BMAL1: variants seen among roughly 807,000 people sequenced by gnomAD.
BMAL1 encodes the protein basic helix-loop-helix ARNT like 1.
chr11:13,373,805 G>A, the BMAL1 span, among the ~76,000 whole-genome samples: 170 of 152,252 alleles, frequency 1.1e-3, no homozygotes, highest in African/African-American at 3.7e-3. Context: ...CACCATGCCC[G>A]ACTGGTTGCA....
chr11:13,343,808 C>G, the BMAL1 span, among the ~76,000 whole-genome samples: 1 of 152,192 alleles, frequency 6.6e-6, no homozygotes, highest in Non-Finnish European at 1.5e-5. Flanking sequence ...GGACTCTCCT[C>G]TATCAACGAT....
At chr11:13,355,651 C>T in the BMAL1 span, among the ~76,000 whole-genome samples, 1 of 152,192 alleles carries the variant, frequency 6.6e-6, no homozygotes, top group African/African-American at 2.4e-5. Flanking sequence ...AGCTTTTTCT[C>T]ACCTGAGATT....
the BMAL1 span, chr11:13,376,675 C>G: frequency 6.2e-7 from 1 of 1,614,072 alleles, no homozygotes; most frequent in Non-Finnish European, 8.5e-7. Context: ...CCAACCTTCC[C>G]ACAGCTCACA....
the BMAL1 span, among the ~76,000 whole-genome samples, chr11:13,352,594 G>T: frequency 1.1e-4 from 16 of 152,176 alleles, 1 homozygote; most frequent in Non-Finnish European, 1.5e-5. Context: ...AGAATACAAC[G>T]TGTGTCCCGT....
the BMAL1 span, among the ~76,000 whole-genome samples, chr11:13,309,499 G>A: frequency 6.6e-6 from 1 of 152,148 alleles, no homozygotes; most frequent in Non-Finnish European, 1.5e-5. Context: ...AAGCAGTGGG[G>A]TTGAGGCATT....
chr11:13,354,207 A>ACCCC, the BMAL1 span: 1 of 205,816 alleles, frequency 4.9e-6, no homozygotes, highest in Non-Finnish European at 7.6e-6. Context: ...CCGGCCCCCC[A>ACCCC]CCACCAAACC....
At chr11:13,286,578 C>T in the BMAL1 span, among the ~76,000 whole-genome samples, 1 of 152,178 alleles carries the variant, frequency 6.6e-6, no homozygotes, top group Non-Finnish European at 1.5e-5. Context: ...AAATGGCTGC[C>T]TCTGATTTCT....
At chr11:13,335,977 T>C in the BMAL1 span, among the ~76,000 whole-genome samples, 2 of 151,732 alleles carry the variant, frequency 1.3e-5, no homozygotes, top group African/African-American at 4.9e-5. Flanking sequence ...TTTATTGCAT[T>C]TTTGACAATA....
At chr11:13,302,101 T>C in the BMAL1 span, among the ~76,000 whole-genome samples, 1 of 151,874 alleles carries the variant, frequency 6.6e-6, no homozygotes, top group Non-Finnish European at 1.5e-5. Flanking sequence ...ATGAGGGGCA[T>C]TGGAGAGGTG....
At chr11:13,352,275 A>T in the BMAL1 span, among the ~76,000 whole-genome samples, 178 of 152,314 alleles carry the variant, frequency 1.2e-3, no homozygotes, top group African/African-American at 4.1e-3. Context: ...GAATGAGAAA[A>T]TAAATGGCCA....
chr11:13,304,981 G>GGAGAGCCT, the BMAL1 span, among the ~76,000 whole-genome samples: 1 of 152,202 alleles, frequency 6.6e-6, no homozygotes, highest in Non-Finnish European at 1.5e-5. Context: ...TAGCAAAGGA[G>GGAGAGCCT]GAGAGCCTTT....
At chr11:13,351,187 A>G in the BMAL1 span, among the ~76,000 whole-genome samples, 6 of 152,240 alleles carry the variant, frequency 3.9e-5, no homozygotes, top group African/African-American at 1.2e-4. Context: ...CACTGATGGA[A>G]TGACATGTGA....
chr11:13,327,501 C>T, the BMAL1 span, among the ~76,000 whole-genome samples: 1 of 152,146 alleles, frequency 6.6e-6, no homozygotes, highest in Non-Finnish European at 1.5e-5. Flanking sequence ...TGCTTCCTTG[C>T]GCTTTTCTGG....
the BMAL1 span, among the ~76,000 whole-genome samples, chr11:13,361,758 A>G: frequency 6.6e-6 from 1 of 152,180 alleles, no homozygotes; most frequent in Non-Finnish European, 1.5e-5. Context: ...AATAGGAACC[A>G]GGTTCTTTGT....
chr11:13,295,496 G>C, the BMAL1 span, among the ~76,000 whole-genome samples: 2 of 152,172 alleles, frequency 1.3e-5, no homozygotes, highest in Admixed American at 1.3e-4. Flanking sequence ...GGCTCCTTCT[G>C]TGTCCTCTGG....
chr11:13,374,701 T>TA, the BMAL1 span, among the ~76,000 whole-genome samples: 1,035 of 152,306 alleles, frequency 6.8e-3, 13 homozygotes, highest in Non-Finnish European at 7.7e-3. Context: ...CGTGCCTACT[T>TA]AGAGACCTGT....
chr11:13,282,929 C>T, the BMAL1 span, among the ~76,000 whole-genome samples: 1 of 152,134 alleles, frequency 6.6e-6, no homozygotes, highest in Non-Finnish European at 1.5e-5. Context: ...ACAGGATGCA[C>T]ACTGCATAGA....
the BMAL1 span, among the ~76,000 whole-genome samples, chr11:13,281,290 T>C: frequency 6.6e-6 from 1 of 152,158 alleles, no homozygotes; most frequent in South Asian, 2.1e-4. Flanking sequence ...GCAATTTACA[T>C]GTGTCTTTAC....
the BMAL1 span, among the ~76,000 whole-genome samples, chr11:13,316,980 C>G: frequency 6.6e-6 from 1 of 152,160 alleles, no homozygotes; most frequent in Non-Finnish European, 1.5e-5. Context: ...ACCCACCAAG[C>G]TCCCTTAGCC....
Sources: allele counts gnomAD v4.1 joint callset (sites outside exome capture counted in the v4.1 genomes callset), GRCh38; gene constraint gnomAD v4.1.1; transcripts MANE v1.5; gene names NCBI Gene and HGNC (gene_info 2026-07-23, HGNC 2026-07-21).